PLEKHA5: variants seen among roughly 807,000 people sequenced by gnomAD.
PLEKHA5 encodes the protein pleckstrin homology domain-containing family A member 5.
A neutral mutation model predicts 181.9 loss-of-function variants in PLEKHA5; 55 were observed. The observed-to-expected ratio is 0.30, with a 90% confidence interval of 0.24 to 0.38. The LOEUF (loss-of-function observed/expected upper bound fraction) is 0.38, where lower values mean the gene tolerates loss of function less well. Ranked by LOEUF, PLEKHA5 falls within the 10% of genes least tolerant of loss-of-function variation. The pLI, the probability that PLEKHA5 is intolerant of heterozygous loss-of-function variation, is 1.00. For missense variants in PLEKHA5, 1,432 were observed against 1,549.5 expected (o/e 0.92, Z 1.27); for synonymous variants, 535 against 529.4 (o/e 1.01, Z -0.15).
chr12:19,154,588 A>G (rs1357502631), intron 3 of PLEKHA5: 1 of 152,194 alleles, frequency 6.6e-6, no homozygotes, highest in African/African-American at 2.4e-5. Flanking sequence ...GGAAGAAGTA[A>G]TTGGAATAAA....
chr12:19,354,066 T>A (rs1004371910), intron 26 of PLEKHA5, 64 bp downstream of exon 26: 1 of 715,848 alleles, frequency 1.4e-6, no homozygotes, highest in Admixed American at 2.6e-5. Context: ...TTCTTACATG[T>A]TTTCATTTTC....
intron 20 of PLEKHA5, among the ~76,000 whole-genome samples, chr12:19,333,498 A>C (rs975292564): frequency 2.0e-5 from 3 of 151,130 alleles, no homozygotes; most frequent in Non-Finnish European, 2.9e-5. Flanking sequence ...TCGATGCAGA[A>C]GAATCACTTG....
intron 9 of PLEKHA5, 133 bp downstream of exon 9, chr12:19,270,018 G>T: frequency 1.6e-6 from 1 of 634,638 alleles, no homozygotes; most frequent in Non-Finnish European, 2.7e-6. Flanking sequence ...AGAAAGCAAG[G>T]ATCAATTCCT....
At chr12:19,270,854 T>C (rs1273174074) in intron 10 of PLEKHA5, among the ~76,000 whole-genome samples, 1 of 152,132 alleles carries the variant, frequency 6.6e-6, no homozygotes, top group Non-Finnish European at 1.5e-5. Flanking sequence ...ACAGTATACA[T>C]CTAGTCCTTT....
chr12:19,240,022 T>C (rs1211466918), intron 3 of PLEKHA5, among the ~76,000 whole-genome samples: 1 of 152,258 alleles, frequency 6.6e-6, no homozygotes, highest in African/African-American at 2.4e-5. Flanking sequence ...AGCCAAACGT[T>C]TTTTACAAAA....
At chr12:19,229,781 A>G (rs2060209364) in intron 3 of PLEKHA5, among the ~76,000 whole-genome samples, 1 of 151,342 alleles carries the variant, frequency 6.6e-6, no homozygotes, top group Non-Finnish European at 1.5e-5. Flanking sequence ...TCCATTTTAC[A>G]GAGAGCTGAT....
chr12:19,204,728 A>T (rs1397198285), intron 3 of PLEKHA5, among the ~76,000 whole-genome samples: 9 of 152,140 alleles, frequency 5.9e-5, no homozygotes, highest in Admixed American at 5.9e-4. Context: ...AAATCCTATC[A>T]CTGTAGTTTG....
At chr12:19,304,242 T>C (rs1592398774) in intron 15 of PLEKHA5, among the ~76,000 whole-genome samples, 1 of 152,164 alleles carries the variant, frequency 6.6e-6, no homozygotes. Context: ...CGGTCTCTAC[T>C]AAAAACTCAA....
chr12:19,366,516 T>C (rs1444762744), intron 30 of PLEKHA5, among the ~76,000 whole-genome samples: 1 of 152,000 alleles, frequency 6.6e-6, no homozygotes, highest in Non-Finnish European at 1.5e-5. Context: ...TAGCCGGGCA[T>C]GGTGGCAGCC....
At chr12:19,211,538 T>G (rs1179995143) in intron 3 of PLEKHA5, among the ~76,000 whole-genome samples, 3 of 152,182 alleles carry the variant, frequency 2.0e-5, no homozygotes, top group Non-Finnish European at 4.4e-5. Flanking sequence ...ATGGAATCCC[T>G]CTCAACACCT....
At chr12:19,195,047 G>A (rs900128517) in intron 3 of PLEKHA5, among the ~76,000 whole-genome samples, 2 of 152,072 alleles carry the variant, frequency 1.3e-5, no homozygotes, top group Non-Finnish European at 2.9e-5. Flanking sequence ...TGTTCTCATG[G>A]TAATGTTCAC....
intron 3 of PLEKHA5, among the ~76,000 whole-genome samples, chr12:19,203,113 A>G (rs1306746921): frequency 6.6e-6 from 1 of 152,124 alleles, no homozygotes; most frequent in Non-Finnish European, 1.5e-5. Context: ...GATGATCTCA[A>G]TTTTAAATCA....
chr12:19,200,739 G>A (rs1291753107), intron 3 of PLEKHA5: 1 of 875,374 alleles, frequency 1.1e-6, no homozygotes, highest in African/African-American at 1.8e-5. Context: ...GGTACCCAAG[G>A]AATTCACTGG....
chr12:19,253,064 C>CTTTTTTTTTTTTTT (rs35536570), intron 3 of PLEKHA5, among the ~76,000 whole-genome samples: 636 of 45,878 alleles, frequency 0.014, 170 homozygotes, highest in Non-Finnish European at 0.021. Context: ...ATCAACTTAC[C>CTTTTTTTTTTTTTT]TTTTTTTTTT....
intron 15 of PLEKHA5, chr12:19,306,949 C>T (rs968745733): frequency 2.3e-5 from 26 of 1,111,536 alleles, no homozygotes; most frequent in Non-Finnish European, 3.2e-5. Flanking sequence ...TGTTGGGCTC[C>T]TGCCTACTCC....
rs1256122590 is a variant in PLEKHA5 at position 19,348,522 on chromosome 12, C to T, written c.3019+3C>T. ...GATAGAAACTTCAGTTGTTAAAGGT[C>T]AGCATTTGTAATATGTTTTACCTCT... On this transcript the variant is annotated splice_donor_region_variant and intron_variant, in intron 25 of 31. Coordinates refer to ENST00000429027, the MANE Select transcript of PLEKHA5 (RefSeq NM_001256470.2). The T allele has an allele frequency of 1.3e-6, 2 of 1,563,088 alleles. No homozygotes were observed. The highest frequency in any genetic ancestry group is 2.3e-5 in the East Asian group (1 of 43,438).
intron 3 of PLEKHA5, among the ~76,000 whole-genome samples, chr12:19,206,970 T>C (rs1028181355): frequency 2.6e-5 from 4 of 152,170 alleles, no homozygotes; most frequent in African/African-American, 9.7e-5. Context: ...CAAAGATTCA[T>C]GAGGGGATAA....
At chr12:19,253,800 A>T in intron 3 of PLEKHA5, 140 bp from the exon 4 acceptor site, 1 of 644,030 alleles carries the variant, frequency 1.6e-6, no homozygotes. Context: ...AACCTGGGCG[A>T]CAAGAATAAA....
At chr12:19,327,247 G>GTT (rs55983306) in intron 20 of PLEKHA5, among the ~76,000 whole-genome samples, 2,082 of 138,472 alleles carry the variant, frequency 0.015, 56 homozygotes, top group African/African-American at 0.04. Flanking sequence ...ATCTGTTTTT[G>GTT]TTTTTTTTTT....
Sources: allele counts gnomAD v4.1 joint callset (sites outside exome capture counted in the v4.1 genomes callset), GRCh38; gene constraint gnomAD v4.1.1; transcripts MANE v1.5; gene names NCBI Gene and HGNC (gene_info 2026-07-23, HGNC 2026-07-21).